The following ADAMTSL1 variants were observed in gnomAD, a reference collection of about 807,000 sequenced individuals.
ADAMTSL1 encodes ADAMTS-like protein 1.
A neutral mutation model predicts 201.8 loss-of-function variants in ADAMTSL1; 126 were observed. That is an observed-to-expected ratio of 0.62 (90% CI 0.54 to 0.72). ADAMTSL1 has a LOEUF of 0.72. ADAMTSL1 is among the 30% of genes least tolerant of loss of function. The pLI is 0.00. For missense variants in ADAMTSL1, 2,679 were observed against 2,277.8 expected (o/e 1.18, Z -3.59); for synonymous variants, 1,121 against 903.4 (o/e 1.24, Z -4.32).
At chr9:18,706,651 G>C (rs74754832) in intron 13 of ADAMTSL1, 96 bp from the exon 14 acceptor site, 4 of 1,283,236 alleles carry the variant, frequency 3.1e-6, no homozygotes, top group Non-Finnish European at 4.3e-6. Context: ...GACAGCTCTG[G>C]GCACTGGAGG....
Position 18,721,574 on chromosome 9 carries a change from A to T in ADAMTSL1, c.1915A>T (p.Thr639Ser), listed in dbSNP as rs1366213258. The T allele has an allele frequency of 6.2e-6, 10 of 1,613,680 alleles. No individual in the cohort carries two copies. The highest frequency in any genetic ancestry group is 1.7e-5 in the Admixed American group (1 of 59,988). Residue 639 changes from threonine (T) to serine (S), a missense_variant, in exon 15 of 29, where the codon ACT becomes TCT. Coordinates refer to ENST00000380548, the MANE Select transcript of ADAMTSL1 (RefSeq NM_001040272.6). The stretch of plus-strand genomic sequence containing the variant: ...TGTGGTGAGCTGCTTGAACAAACAG[A>T]CTCGGGAGCCTGCTGAGGAGAACCT... ...EAVVSCLNKQTREPAEENLCV... is the reference protein window; with the variant it reads ...EAVVSCLNKQSREPAEENLCV...
chr9:18,180,532 CAAAAAA>C (rs71333030), intron 2 of ADAMTSL1, among the ~76,000 whole-genome samples: 1 of 92,148 alleles, frequency 1.1e-5, no homozygotes, highest in African/African-American at 5.2e-5. Context: ...GACTCCGTGT[CAAAAAA>C]AAAAAAAAAA....
intron 5 of ADAMTSL1, among the ~76,000 whole-genome samples, chr9:18,634,380 A>G (rs557300635): frequency 6.6e-6 from 1 of 152,184 alleles, no homozygotes; most frequent in South Asian, 2.1e-4. Context: ...CGTGGGCAAC[A>G]TGGCAAAACC....
intron 2 of ADAMTSL1, among the ~76,000 whole-genome samples, chr9:18,224,811 T>C (rs1197515332): frequency 1.3e-5 from 2 of 152,172 alleles, no homozygotes; most frequent in Non-Finnish European, 2.9e-5. Context: ...GCTGGGATTA[T>C]ACTATACTGA....
chr9:18,466,355 A>G (rs1275597103), intron 2 of ADAMTSL1, among the ~76,000 whole-genome samples: 1 of 152,136 alleles, frequency 6.6e-6, no homozygotes, highest in Admixed American at 6.6e-5. Context: ...CTGTTATCTT[A>G]TATTTTATTT....
intron 2 of ADAMTSL1, among the ~76,000 whole-genome samples, chr9:18,317,599 A>G (rs1215589097): frequency 2.0e-5 from 3 of 152,292 alleles, no homozygotes; most frequent in Admixed American, 2.0e-4. Flanking sequence ...CCCTTCAGGT[A>G]TTTCTCATGT....
At chr9:18,787,411 A>G (rs1563801141) in intron 19 of ADAMTSL1, among the ~76,000 whole-genome samples, 2 of 152,198 alleles carry the variant, frequency 1.3e-5, no homozygotes, top group Admixed American at 6.5e-5. Context: ...GCTTAGAGTC[A>G]GGCACTATCT....
chr9:18,367,525 C>G (rs1050332706), intron 2 of ADAMTSL1, among the ~76,000 whole-genome samples: 5 of 151,826 alleles, frequency 3.3e-5, no homozygotes, highest in African/African-American at 1.2e-4. Flanking sequence ...TTTTGAATCT[C>G]TAATACTATT....
At chr9:18,539,395 G>C (rs1587501198) in intron 3 of ADAMTSL1, among the ~76,000 whole-genome samples, 1 of 152,306 alleles carries the variant, frequency 6.6e-6, no homozygotes, top group South Asian at 2.1e-4. Context: ...CTAAGTCATG[G>C]AAGGACCATG....
intron 2 of ADAMTSL1, among the ~76,000 whole-genome samples, chr9:18,218,737 C>G (rs534495542): frequency 2.0e-5 from 3 of 151,676 alleles, no homozygotes; most frequent in African/African-American, 4.8e-5. Flanking sequence ...GTTTTTGGAG[C>G]CTCTTCTTAT....
intron 2 of ADAMTSL1, among the ~76,000 whole-genome samples, chr9:18,283,155 A>G (rs1832859081): frequency 1.3e-5 from 2 of 152,166 alleles, no homozygotes; most frequent in South Asian, 4.1e-4. Context: ...ATATACTCTT[A>G]TAATTGGTAT....
intron 15 of ADAMTSL1, among the ~76,000 whole-genome samples, chr9:18,752,485 C>G (rs577039540): frequency 6.6e-6 from 1 of 152,214 alleles, no homozygotes; most frequent in Non-Finnish European, 1.5e-5. Context: ...ATGCTTCTGA[C>G]GTACAGCCTG....
chr9:18,365,249 T>C (rs1429195874), intron 2 of ADAMTSL1, among the ~76,000 whole-genome samples: 2 of 152,172 alleles, frequency 1.3e-5, no homozygotes, highest in Non-Finnish European at 2.9e-5. Flanking sequence ...ATTAGTGAAT[T>C]ATAGATGTAC....
chr9:18,300,696 A>G (rs542253194), intron 2 of ADAMTSL1, among the ~76,000 whole-genome samples: 43 of 152,322 alleles, frequency 2.8e-4, no homozygotes, highest in African/African-American at 1.0e-3. Flanking sequence ...GAAAAACGAC[A>G]TGAGATCTAG....
chr9:18,616,704 G>A (rs770403251), intron 4 of ADAMTSL1, among the ~76,000 whole-genome samples: 1 of 152,080 alleles, frequency 6.6e-6, no homozygotes, highest in Non-Finnish European at 1.5e-5. Flanking sequence ...TGTACAGGAC[G>A]GCATAGTGTG....
chr9:18,110,038 C>G (rs184004987), intron 1 of ADAMTSL1, among the ~76,000 whole-genome samples: 1 of 152,286 alleles, frequency 6.6e-6, no homozygotes, highest in Admixed American at 6.5e-5. Flanking sequence ...ACTCCCCAAG[C>G]CTAGCCCCAC....
chr9:18,315,430 G>T (rs1387396019), intron 2 of ADAMTSL1, among the ~76,000 whole-genome samples: 2 of 152,106 alleles, frequency 1.3e-5, no homozygotes, highest in Admixed American at 1.3e-4. Flanking sequence ...GAGCCCAAGG[G>T]GGAGTGAGGA....
In ADAMTSL1 at chr9:18,326,025, A is replaced by C. The variant is rs567748786; in HGVS notation, c.207+162044A>C. On this transcript the variant is annotated intron_variant, in intron 2 of 29. Coordinates refer to the ADAMTSL1 transcript ENST00000680146. ...CCAAAGTGCTGGGATTACAGGTGTG[A>C]GCCACCATGCCCGGCCTAAAAGGAT... Among the ~76,000 whole-genome samples, 104 of 152,298 alleles carry C rather than the reference A, an allele frequency of 6.8e-4. 1 individual carries two copies. The highest frequency in any genetic ancestry group is 2.5e-3 in the African/African-American group (103 of 41,570).
At chr9:18,233,588 C>A (rs1346486728) in intron 2 of ADAMTSL1, among the ~76,000 whole-genome samples, 1 of 152,018 alleles carries the variant, frequency 6.6e-6, no homozygotes, top group African/African-American at 2.4e-5. Flanking sequence ...CACCTAGGAG[C>A]CTGTAAAATT....
Sources: allele counts gnomAD v4.1 joint callset (sites outside exome capture counted in the v4.1 genomes callset), GRCh38; gene constraint gnomAD v4.1.1; transcripts MANE v1.5; gene names NCBI Gene and HGNC (gene_info 2026-07-23, HGNC 2026-07-21).